The following AGPAT4 variants were observed in gnomAD, a reference collection of about 807,000 sequenced individuals.
AGPAT4 encodes 1-acylglycerol-3-phosphate O-acyltransferase 4.
Under a neutral mutation model 48.0 loss-of-function variants are expected in AGPAT4, and 15 were observed. That is an observed-to-expected ratio of 0.31 (90% CI 0.21 to 0.48). The LOEUF is 0.48. Among genes scored for constraint, AGPAT4 ranks in the 20% least tolerant of loss-of-function variants. The pLI is 0.99. For synonymous variants in AGPAT4, 178 were observed against 198.7 expected, an observed-to-expected ratio of 0.90 and a Z score of 0.88; for missense variants, 314 against 482.5, an observed-to-expected ratio of 0.65 and a Z score of 3.27.
At chr6:161,167,040 A>G (rs1780120265) in intron 2 of AGPAT4, among the ~76,000 whole-genome samples, 1 of 152,222 alleles carries the variant, frequency 6.6e-6, no homozygotes, top group South Asian at 2.1e-4. Flanking sequence ...GACCACTTGC[A>G]GTTTATTCTT....
rs569356721 is a variant in AGPAT4 at position 161,197,263 on chromosome 6, G to A, written c.179-30846C>T. 1.4e-4 allele frequency among the ~76,000 whole-genome samples: 21 copies of A among 152,326 alleles called. No individual in the cohort carries two copies. Among genetic ancestry groups the A allele is most frequent in the Admixed American group, 7.8e-4 (12 of 15,304 alleles). On this transcript the variant is annotated intron_variant, in intron 2 of 8. Coordinates refer to ENST00000320285, the MANE Select transcript of AGPAT4 (RefSeq NM_020133.3). This position sits in a 1 kb window ranked among gnomAD's most constrained non-coding sequence, Gnocchi z 5.7. ...CGCTTTCAGAGAGGGGCCAGGGCAC[G>A]TAAGCCCTGACCTTGCACTGCTAGG...
intron 2 of AGPAT4, among the ~76,000 whole-genome samples, chr6:161,187,839 C>T (rs1045719036): frequency 1.4e-4 from 22 of 152,112 alleles, no homozygotes; most frequent in Non-Finnish European, 2.4e-4. Flanking sequence ...CCACCGTGCC[C>T]GGCCCAACTT....
At position 161,140,763 on chromosome 6, in the gene AGPAT4, G is replaced by A. The variant is rs373797501; in HGVS notation, c.844-1143C>T. On this transcript the variant is annotated intron_variant, in intron 7 of 8. Transcript: ENST00000320285. This position sits in a 1 kb window ranked among gnomAD's most constrained non-coding sequence, Gnocchi z 6.5. ...GGGGCCAGGGCAGAAGCTGCCTGCA[G>A]GGAGCAGAGCTGAACCAGGCAGCCA... Among the ~76,000 whole-genome samples, 2 of 152,236 alleles carry A rather than the reference G, an allele frequency of 1.3e-5. No individual in the cohort carries two copies. The highest frequency in any genetic ancestry group is 1.9e-4 in the East Asian group (1 of 5,188).
rs895949252 is a variant in AGPAT4, at chr6:161,223,587, G to A, written c.178+8449C>T. On this transcript the variant is annotated intron_variant, in intron 2 of 8. Transcript: ENST00000320285. This position sits in a 1 kb window ranked among gnomAD's most constrained non-coding sequence, Gnocchi z 6.3. ...ATAATCAACACGTGACAAATGTAGC[G>A]AGTGTAATGACTGCAGCTGAAAATA... Among the ~76,000 whole-genome samples, 1 of 152,204 alleles carries A rather than the reference G, an allele frequency of 6.6e-6. No individual in the cohort carries two copies. The highest frequency in any genetic ancestry group is 2.4e-5 in the African/African-American group (1 of 41,448).
At chr6:161,247,815 T>G (rs1782697225) in intron 1 of AGPAT4, among the ~76,000 whole-genome samples, 1 of 151,888 alleles carries the variant, frequency 6.6e-6, no homozygotes, top group Non-Finnish European at 1.5e-5. Flanking sequence ...AAACCCCATC[T>G]CTACTAAAAT....
intron 1 of AGPAT4, among the ~76,000 whole-genome samples, chr6:161,256,602 C>T (rs3757031): frequency 0.38 from 58,544 of 152,082 alleles, 12,798 homozygotes; most frequent in African/African-American, 0.59. Flanking sequence ...GATAGCCACA[C>T]AGCGGAGCTG....
At chr6:161,193,275 C>A (rs1036729768) in intron 2 of AGPAT4, among the ~76,000 whole-genome samples, 1 of 152,180 alleles carries the variant, frequency 6.6e-6, no homozygotes, top group Non-Finnish European at 1.5e-5. Context: ...TGTGTTTAAG[C>A]TGACATGAAA....
At chr6:161,230,180 C>G (rs577709745) in intron 2 of AGPAT4, among the ~76,000 whole-genome samples, 1 of 152,310 alleles carries the variant, frequency 6.6e-6, no homozygotes, top group Admixed American at 6.5e-5. Context: ...CTTAGCAAGT[C>G]TTTACCATCA....
rs937593264 is a variant in AGPAT4 at position 161,137,525 on chromosome 6, G to A, written c.1043-891C>T. Among the ~76,000 whole-genome samples, 2 of 152,198 alleles carry A rather than the reference G, an allele frequency of 1.3e-5. No individual in the cohort carries two copies. The highest frequency in any genetic ancestry group is 2.9e-5 in the Non-Finnish European group (2 of 68,032). On this transcript the variant is annotated intron_variant, in intron 8 of 8. Coordinates refer to ENST00000320285, the MANE Select transcript of AGPAT4 (RefSeq NM_020133.3). The surrounding 1 kb of genome is among the most constrained non-coding windows in gnomAD (Gnocchi z 6.1). The stretch of plus-strand genomic sequence containing the variant: ...CAGCAGGAGGCACGCATCTCCCATG[G>A]GTCATTTACAAACTGGAGGGCTCCT...
At position 161,148,360 on chromosome 6, in the gene AGPAT4, G is replaced by C. The variant is rs954456246; in HGVS notation, c.767+827C>G. Reference sequence around the variant, plus strand: ...AGAAGCTACTTAACTTTGGCCGCCAGTCCACCAAAATATCTCCCAGGAAAG... The same window carrying C: ...AGAAGCTACTTAACTTTGGCCGCCACTCCACCAAAATATCTCCCAGGAAAG... On this transcript the variant is annotated intron_variant, in intron 6 of 8. Transcript: ENST00000320285. This position sits in a 1 kb window ranked among gnomAD's most constrained non-coding sequence, Gnocchi z 5.5. 2.2e-4 allele frequency among the ~76,000 whole-genome samples: 33 copies of C among 152,192 alleles called. No homozygotes were observed. The highest frequency in any genetic ancestry group is 5.9e-4 in the Admixed American group (9 of 15,280).
At position 161,219,946 on chromosome 6, in the gene AGPAT4, G is replaced by GACAGACAGACAGA. The variant is rs1562344037; in HGVS notation, c.178+12089_178+12090insTCTGTCTGTCTGT. ...GGCAGGCAGGCAGGCAGGCAGGCAG[G>GACAGACAGACAGA]CAGACAGACAGACAGACAGACAGGC... On this transcript the variant is annotated intron_variant, in intron 2 of 8. Transcript: ENST00000320285. The surrounding 1 kb of genome is among the most constrained non-coding windows in gnomAD (Gnocchi z 4.9). 2.8e-5 allele frequency among the ~76,000 whole-genome samples: 4 copies of GACAGACAGACAGA among 143,766 alleles called. No individual in the cohort carries two copies. The highest frequency in any genetic ancestry group is 5.5e-5 in the African/African-American group (2 of 36,408). 94.3% of individuals were successfully genotyped at this position (143,766 alleles called of 152,430 possible). A position where few individuals can be genotyped will look rare whatever the true frequency, so the allele number is the denominator to read the frequency against.
intron 1 of AGPAT4, among the ~76,000 whole-genome samples, chr6:161,241,481 G>T (rs1782488690): frequency 6.6e-6 from 1 of 152,078 alleles, no homozygotes; most frequent in South Asian, 2.1e-4. Context: ...CCCCACTCTT[G>T]CATGATAAAA....
At chr6:161,273,792 A>G (rs1268386913) in intron 1 of AGPAT4, 146 bp downstream of exon 1, 1 of 49,068 alleles carries the variant, frequency 2.0e-5, no homozygotes, top group Non-Finnish European at 4.3e-5. Context: ...CCCGCCTTGC[A>G]CTCCCCCCCC....
intron 2 of AGPAT4, among the ~76,000 whole-genome samples, chr6:161,179,620 A>T (rs1052281539): frequency 6.6e-6 from 1 of 152,152 alleles, no homozygotes; most frequent in Non-Finnish European, 1.5e-5. Context: ...ACTTATATAC[A>T]GATTTTCTTC....
chr6:161,229,645 A>G lies in AGPAT4; in HGVS notation c.178+2391T>C, dbSNP rs1265430136. 1.3e-5 allele frequency among the ~76,000 whole-genome samples: 2 copies of G among 152,146 alleles called. No individual in the cohort carries two copies. The highest frequency in any genetic ancestry group is 1.3e-4 in the Admixed American group (2 of 15,284). Reference sequence around the variant, plus strand: ...TCTCTCAAACCTGGGGATAGTTTGCACTGGCTTATCACCATGAGGTGCCCA... The same window carrying G: ...TCTCTCAAACCTGGGGATAGTTTGCGCTGGCTTATCACCATGAGGTGCCCA... On this transcript the variant is annotated intron_variant, in intron 2 of 8. Transcript: ENST00000320285. This position sits in a 1 kb window ranked among gnomAD's most constrained non-coding sequence, Gnocchi z 6.0.
At position 161,158,706 on chromosome 6, in the gene AGPAT4, GC is replaced by G. The variant is rs1191061604; in HGVS notation, c.349-4397del. On this transcript the variant is annotated intron_variant, in intron 3 of 8. Transcript: ENST00000320285. This position sits in a 1 kb window ranked among gnomAD's most constrained non-coding sequence, Gnocchi z 5.3. ...AGTACTCTGACCCTGACCTTCAGAA[GC>G]TCTACAGCCTCTGGGGTGAAAAGGG... is the stretch of plus-strand genomic sequence containing the variant. Among the ~76,000 whole-genome samples, 1 of 152,214 alleles carries G rather than the reference GC, an allele frequency of 6.6e-6. No homozygotes were observed. The highest frequency in any genetic ancestry group is 2.4e-5 in the African/African-American group (1 of 41,458).
rs893345475 is a variant in AGPAT4 at position 161,272,140 on chromosome 6, T to A, written c.-90+1798A>T. ...CAGGTAACTTTTCTACCTGAATTACTTAGGACCTCTGGATTTATAGCAGAT... is the reference window on the plus strand; with the variant it reads ...CAGGTAACTTTTCTACCTGAATTACATAGGACCTCTGGATTTATAGCAGAT... On this transcript the variant is annotated intron_variant, in intron 1 of 8. Coordinates refer to ENST00000320285, the MANE Select transcript of AGPAT4 (RefSeq NM_020133.3). The surrounding 1 kb of genome is among the most constrained non-coding windows in gnomAD (Gnocchi z 4.2). 2.6e-5 allele frequency among the ~76,000 whole-genome samples: 4 copies of A among 152,206 alleles called. No individual in the cohort carries two copies. The highest frequency in any genetic ancestry group is 9.7e-5 in the African/African-American group (4 of 41,450).
intron 2 of AGPAT4, among the ~76,000 whole-genome samples, chr6:161,187,549 A>G (rs1224724529): frequency 1.3e-5 from 2 of 150,896 alleles, no homozygotes; most frequent in Admixed American, 6.6e-5. Context: ...TTATTTATTT[A>G]TTTAGAGACA....
Position 161,262,390 on chromosome 6 carries a change from C to T in AGPAT4, c.-90+11548G>A, listed in dbSNP as rs150665666. On this transcript the variant is annotated intron_variant, in intron 1 of 8. Transcript: ENST00000320285. This position sits in a 1 kb window ranked among gnomAD's most constrained non-coding sequence, Gnocchi z 4.9. ...GGCCAGCTGCCGCGTCTGTCCCTGC[C>T]ACACAGGGGCTACTTCCCACTGCTG... Among the ~76,000 whole-genome samples the T allele has an allele frequency of 5.5e-3, 838 of 152,334 alleles. 9 individuals are homozygous for T. The highest frequency in any genetic ancestry group is 0.02 in the African/African-American group (815 of 41,578).
Sources: allele counts gnomAD v4.1 joint callset (sites outside exome capture counted in the v4.1 genomes callset), GRCh38; gene constraint gnomAD v4.1.1; non-coding constraint Gnocchi (gnomAD v3.1); transcripts MANE v1.5; gene names NCBI Gene and HGNC (gene_info 2026-07-23, HGNC 2026-07-21).